Variants in MTMR9 observed in about 807,000 individuals in gnomAD.
MTMR9 encodes the protein myotubularin-related protein 9.
A neutral mutation model predicts 69.5 loss-of-function variants in MTMR9; 39 were observed. The observed-to-expected ratio is 0.56, with a 90% CI of 0.43 to 0.73. The LOEUF (loss-of-function observed/expected upper bound fraction) is 0.73, where lower values mean the gene tolerates loss of function less well. Among genes scored for constraint, MTMR9 ranks in the 30% least tolerant of loss-of-function variants. MTMR9 has a pLI of 0.00. For missense variants in MTMR9, 900 were observed against 671.2 expected, an observed-to-expected ratio of 1.34 and a Z score of -3.77; for synonymous variants, 354 against 240.8, an observed-to-expected ratio of 1.47 and a Z score of -4.35.
chr8:11,325,563 C>G lies in MTMR9; in HGVS notation c.*2775C>G, dbSNP rs189519161. On this transcript the variant is annotated 3_prime_UTR_variant, in exon 10 of 10. Transcript: ENST00000221086. ...AAAGCTGGTTTTTATACAGGAGATA[C>G]GTAAAGTAGGCCCCACAAATAATAT... 2 of 151,810 alleles carry G rather than the reference C, an allele frequency of 1.3e-5. No individual in the cohort carries two copies. The highest frequency in any genetic ancestry group is 2.9e-5 in the Non-Finnish European group (2 of 67,990). The allele number at this position is 151,810 out of a possible 1,614,324, so 9.4% of individuals were successfully genotyped here.
intron 4 of MTMR9, among the ~76,000 whole-genome samples, chr8:11,305,452 C>G (rs370264345): frequency 2.0e-5 from 3 of 152,168 alleles, no homozygotes; most frequent in African/African-American, 7.2e-5. Flanking sequence ...CATTTAGTCA[C>G]AACTCTAGTA....
chr8:11,333,300 A>G, the MTMR9 span, among the ~76,000 whole-genome samples: 1 of 152,232 alleles, frequency 6.6e-6, no homozygotes, highest in Admixed American at 6.5e-5. Flanking sequence ...GAGATTATCA[A>G]CTAATTTTTA....
chr8:11,310,893 A>G (rs1800171155), intron 6 of MTMR9, among the ~76,000 whole-genome samples: 1 of 152,122 alleles, frequency 6.6e-6, no homozygotes, highest in South Asian at 2.1e-4. Flanking sequence ...AGTTCTCATG[A>G]TTTCCACCTT....
chr8:11,306,506 T>C (rs930200727), intron 5 of MTMR9, 99 bp downstream of exon 5: 6 of 1,030,328 alleles, frequency 5.8e-6, no homozygotes, highest in African/African-American at 1.6e-5. Flanking sequence ...AATTAACTTC[T>C]GCATTAATTT....
rs1454109481 is a variant in MTMR9, at chr8:11,300,158, C to G, written c.417+10C>G. On this transcript the variant is annotated intron_variant, in intron 3 of 9. Transcript: ENST00000221086. Reference sequence around the variant, plus strand: ...ACTCTATTCTTCAGCTGTGAGTTAACTTTTGAGAACTGTGGATTATGAGAA... The same window carrying G: ...ACTCTATTCTTCAGCTGTGAGTTAAGTTTTGAGAACTGTGGATTATGAGAA... 3.7e-6 allele frequency: 6 copies of G among 1,611,582 alleles called. No homozygotes were observed. Among genetic ancestry groups the G allele is most frequent in the Non-Finnish European group, 5.1e-6 (6 of 1,178,280 alleles).
downstream of MTMR9, chr8:11,332,274 A>C: frequency 1.6e-5 from 20 of 1,238,028 alleles, no homozygotes; most frequent in Non-Finnish European, 2.2e-5. Flanking sequence ...TAATATTGAG[A>C]TGTTCAGTTA....
Position 11,309,619 on chromosome 8 carries a change from C to A in MTMR9, c.902C>A (p.Ala301Asp), listed in dbSNP as rs994787774. 8 of 1,613,886 alleles carry A rather than the reference C, an allele frequency of 5.0e-6. No homozygotes were observed. Among genetic ancestry groups the A allele is most frequent in the Non-Finnish European group, 6.8e-6 (8 of 1,179,876 alleles). The change falls in exon 6 of 10, where the codon GCC becomes GAC. Residue 301 changes from alanine (A) to aspartate (D), a missense_variant. Ala to Asp is a moderately radical substitution (Grantham distance 126). Transcript: ENST00000221086. ...GACCGATGGCTCAGTAAATTGGAGGCCTCTAACTGGCTGACTCACATCAAA... is the reference window on the plus strand; with the variant it reads ...GACCGATGGCTCAGTAAATTGGAGGACTCTAACTGGCTGACTCACATCAAA... ...NMDRWLSKLE[A>D]SNWLTHIKEI...
intron 1 of MTMR9, among the ~76,000 whole-genome samples, chr8:11,292,067 G>T (rs556935365): frequency 6.6e-6 from 1 of 152,160 alleles, no homozygotes; most frequent in South Asian, 2.1e-4. Context: ...TTTCCAAGTA[G>T]TCACAGATGA....
Position 11,328,044 on chromosome 8 carries a change from G to T in MTMR9, c.*5256G>T, listed in dbSNP as rs1801026617. The T allele has an allele frequency of 6.6e-6, 1 of 152,092 alleles. No homozygotes were observed. 9.4% of individuals were successfully genotyped at this position (152,092 alleles called of 1,614,324 possible). A position where few individuals can be genotyped will look rare whatever the true frequency, so the allele number is the denominator to read the frequency against. On this transcript the variant is annotated 3_prime_UTR_variant, in exon 10 of 10. Transcript: ENST00000221086. ...TTCTTAGTGTGTAATATTTGCGTAT[G>T]GTGTTCCTCTGCCTCAGAGGACAGT...
At chr8:11,339,216 G>C in the MTMR9 span, among the ~76,000 whole-genome samples, 4 of 152,322 alleles carry the variant, frequency 2.6e-5, no homozygotes, top group East Asian at 7.7e-4. Context: ...TTAAGTGGTA[G>C]CTCCAATCAA....
chr8:11,288,335 A>T (rs1257825411), intron 1 of MTMR9, among the ~76,000 whole-genome samples: 2 of 140,468 alleles, frequency 1.4e-5, no homozygotes, highest in African/African-American at 5.2e-5. Flanking sequence ...ATACATAAAT[A>T]TATAATATAT....
At chr8:11,312,595 A>G (rs759571514) in intron 6 of MTMR9, among the ~76,000 whole-genome samples, 9 of 152,212 alleles carry the variant, frequency 5.9e-5, no homozygotes, top group Non-Finnish European at 1.3e-4. Context: ...TATGCCCCTC[A>G]AAGTATCCAT....
chr8:11,332,059 G>A (rs1167162013), downstream of MTMR9: 10 of 1,611,814 alleles, frequency 6.2e-6, no homozygotes, highest in Non-Finnish European at 8.5e-6. Context: ...GTTGTGCTGG[G>A]CAGCATTGCC....
chr8:11,325,576 C>T lies in MTMR9; in HGVS notation c.*2788C>T, dbSNP rs1800893674. On this transcript the variant is annotated 3_prime_UTR_variant, in exon 10 of 10. Coordinates refer to ENST00000221086, the MANE Select transcript of MTMR9 (RefSeq NM_015458.4). ...ATACAGGAGATACGTAAAGTAGGCCCCACAAATAATATTTTTAAAATACAA... is the reference window on the plus strand; with the variant it reads ...ATACAGGAGATACGTAAAGTAGGCCTCACAAATAATATTTTTAAAATACAA... 1 of 151,904 alleles carries T rather than the reference C, an allele frequency of 6.6e-6. No homozygotes were observed. Among genetic ancestry groups the T allele is most frequent in the Non-Finnish European group, 1.5e-5 (1 of 67,998 alleles). 9.4% of individuals were successfully genotyped at this position (151,904 alleles called of 1,614,324 possible). A position where few individuals can be genotyped will look rare whatever the true frequency, so the allele number is the denominator to read the frequency against.
the MTMR9 span, among the ~76,000 whole-genome samples, chr8:11,338,630 C>G: frequency 1.3e-5 from 2 of 152,304 alleles, no homozygotes; most frequent in Middle Eastern, 3.4e-3. Context: ...ATGGATGAGA[C>G]TGGCAGCCAA....
At chr8:11,310,436 T>C (rs1046127643) in intron 6 of MTMR9, among the ~76,000 whole-genome samples, 5 of 152,226 alleles carry the variant, frequency 3.3e-5, no homozygotes, top group Non-Finnish European at 7.3e-5. Flanking sequence ...ACTTGTTTTA[T>C]TGATGCTTCC....
intron 4 of MTMR9, 109 bp downstream of exon 4, chr8:11,305,123 G>A: frequency 9.3e-7 from 1 of 1,073,200 alleles, no homozygotes; most frequent in Middle Eastern, 3.0e-4. Context: ...GATTGTCCAG[G>A]TCTCCACCAC....
intron 1 of MTMR9, among the ~76,000 whole-genome samples, chr8:11,288,834 C>G (rs1018854916): frequency 2.6e-5 from 4 of 152,206 alleles, no homozygotes; most frequent in African/African-American, 7.2e-5. Flanking sequence ...GGGGGCAAGA[C>G]TGGAAGCAGC....
At position 11,300,120 on chromosome 8, in the gene MTMR9, A is replaced by G; in HGVS notation, c.389A>G (p.Glu130Gly). The change falls in exon 3 of 10, where the codon GAG becomes GGG. Residue 130 changes from glutamate to glycine, a missense_variant. Coordinates refer to ENST00000221086, the MANE Select transcript of MTMR9 (RefSeq NM_015458.4). ...IEDGWHSFLP[E>G]QEFELYSSAT... ...GATGGCTGGCATTCCTTCCTTCCTG[A>G]GCAAGAATTTGAACTCTATTCTTCA... 6.2e-7 allele frequency: 1 copy of G among 1,613,424 alleles called. No individual in the cohort carries two copies. Among genetic ancestry groups the G allele is most frequent in the East Asian group, 2.2e-5 (1 of 44,838 alleles).
Sources: gnomAD v4.1 joint callset for allele counts (sites outside exome capture counted in the v4.1 genomes callset) on GRCh38, gnomAD v4.1.1 for gene constraint, MANE v1.5 for transcripts, NCBI Gene and HGNC (gene_info 2026-07-23, HGNC 2026-07-21) for gene names.